Variants in MEGF8 observed in about 807,000 individuals in gnomAD.
The protein encoded by MEGF8 is multiple epidermal growth factor-like domains protein 8.
In MEGF8, 156 loss-of-function variants were observed where a neutral mutation model predicts 302.9. The ratio of observed to expected loss-of-function variants is 0.52; its 90% CI spans 0.45 to 0.59. MEGF8 has a LOEUF of 0.59. Among genes scored for constraint, MEGF8 ranks in the 20% least tolerant of loss-of-function variants. The pLI is 0.00. For missense variants in MEGF8, 3,345 were observed against 3,964.5 expected, an observed-to-expected ratio of 0.84 and a Z score of 4.20; for synonymous variants, 1,621 against 1,660.5, an observed-to-expected ratio of 0.98 and a Z score of 0.58.
Position 42,336,897 on chromosome 19 carries a change from A to G in MEGF8, c.1335A>G (p.Pro445=). The G allele has an allele frequency of 2.5e-6, 4 of 1,613,614 alleles. No individual in the cohort carries two copies. The highest frequency in any genetic ancestry group is 3.4e-6 in the Non-Finnish European group (4 of 1,179,758). ...AGGGGCGGGATGGGCTTCAGGGCCCAAGGGAGCGAGCCTTCCACACAGCCA... is the reference window on the plus strand; with the variant it reads ...AGGGGCGGGATGGGCTTCAGGGCCCGAGGGAGCGAGCCTTCCACACAGCCA... The part of the protein sequence containing the change: ...TLKGRDGLQG[P]RERAFHTASV... Residue 445 remains proline, a synonymous_variant, in exon 7 of 42, where the codon CCA becomes CCG. Transcript: ENST00000251268. This position sits in a 1 kb window ranked among gnomAD's most constrained non-coding sequence, Gnocchi z 4.8.
chr19:42,344,664 TCTC>T lies in MEGF8; in HGVS notation c.1934-5_1934-3del, dbSNP rs1568561458. 1 of 1,569,200 alleles carries T rather than the reference TCTC, an allele frequency of 6.4e-7. No individual in the cohort carries two copies. Among genetic ancestry groups the T allele is most frequent in the Non-Finnish European group, 8.7e-7 (1 of 1,154,358 alleles). Reference sequence around the variant, plus strand: ...ACCCACCGGCCCCCACCCCCTGTCTTCTCAGAGCAGGCCCGCTGCCGAGGGGAG... The same window carrying T: ...ACCCACCGGCCCCCACCCCCTGTCTTAGAGCAGGCCCGCTGCCGAGGGGAG... On this transcript the variant is annotated splice_region_variant and splice_polypyrimidine_tract_variant and intron_variant, in intron 11 of 41. Transcript: ENST00000251268. The surrounding 1 kb of genome is among the most constrained non-coding windows in gnomAD (Gnocchi z 4.5).
chr19:42,368,755 G>T lies in MEGF8; in HGVS notation c.6482-88G>T, dbSNP rs915692416. ...GGGATACTGGGCCAGACCCAGAGGT[G>T]GGGCTCAGAGGAGGCAGGAGGGAGG... On this transcript the variant is annotated intron_variant, in intron 36 of 41. Transcript: ENST00000251268. The surrounding 1 kb of genome is among the most constrained non-coding windows in gnomAD (Gnocchi z 4.9). 4 of 1,557,730 alleles carry T rather than the reference G, an allele frequency of 2.6e-6. No individual in the cohort carries two copies. The highest frequency in any genetic ancestry group is 2.6e-6 in the Non-Finnish European group (3 of 1,152,346).
rs776281127 is a variant in MEGF8, at chr19:42,348,449, C to T, written c.2275C>T (p.Arg759Cys). Residue 759 changes from arginine to cysteine, a missense_variant, in exon 13 of 42, where the codon CGT becomes TGT. Transcript: ENST00000251268. ...CCTACACGTCCTGGCCCGGATGGCC[C>T]GTGGCCCTGACACGGAGAACATGGT... The part of the protein sequence containing the change: ...QRLHVLARMA[R>C]GPDTENMEEV... The T allele has an allele frequency of 3.8e-5, 58 of 1,525,110 alleles. No individual in the cohort carries two copies. The highest frequency in any genetic ancestry group is 6.0e-5 in the South Asian group (5 of 83,458). 94.5% of individuals were successfully genotyped at this position (1,525,110 alleles called of 1,614,324 possible).
Position 42,333,824 on chromosome 19 carries a change from G to A in MEGF8, c.351+56G>A. The A allele has an allele frequency of 2.5e-6, 4 of 1,595,462 alleles. No individual in the cohort carries two copies. In the South Asian group the frequency reaches 3.4e-5, roughly 14 times the overall value. Reference sequence around the variant, plus strand: ...CCGAGGGAAATGGAAGAAGAAAGGAGGGACAGAGAGTCAGTAAGAGGGCAT... The same window carrying A: ...CCGAGGGAAATGGAAGAAGAAAGGAAGGACAGAGAGTCAGTAAGAGGGCAT... On this transcript the variant is annotated intron_variant, in intron 2 of 41. Transcript: ENST00000251268.
In MEGF8 at chr19:42,369,491, A is replaced by G. The variant is rs1311581376; in HGVS notation, c.6642-40A>G. 1.3e-6 allele frequency: 2 copies of G among 1,578,088 alleles called. No individual in the cohort carries two copies. The highest frequency in any genetic ancestry group is 1.7e-6 in the Non-Finnish European group (2 of 1,164,142). ...GGTGCTAGGCCATGAAGCCACGAGG[A>G]GGGTGGCCACCTGCCCTGACCCCCA... is the stretch of plus-strand genomic sequence containing the variant. On this transcript the variant is annotated intron_variant, in intron 37 of 41. Transcript: ENST00000251268. The surrounding 1 kb of genome is among the most constrained non-coding windows in gnomAD (Gnocchi z 5.7).
Position 42,352,594 on chromosome 19 carries a change from C to T in MEGF8, c.3350+138C>T, listed in dbSNP as rs567362932. ...GTTAGCCAGGGGTTTTTACCTTGCA[C>T]ACTAGGTCCTTATTAGAGTGACAGG... On this transcript the variant is annotated intron_variant, in intron 19 of 41. Coordinates refer to ENST00000251268, the MANE Select transcript of MEGF8 (RefSeq NM_001271938.2). This position sits in a 1 kb window ranked among gnomAD's most constrained non-coding sequence, Gnocchi z 4.4. 2 of 1,129,704 alleles carry T rather than the reference C, an allele frequency of 1.8e-6. No individual in the cohort carries two copies. The highest frequency in any genetic ancestry group is 1.6e-5 in the African/African-American group (1 of 63,572). 70.0% of individuals were successfully genotyped at this position (1,129,704 alleles called of 1,614,324 possible).
intron 8 of MEGF8, among the ~76,000 whole-genome samples, chr19:42,338,965 G>T (rs1286604242): frequency 0.1 from 2 of 20 alleles, no homozygotes; most frequent in Non-Finnish European, 0.33. Flanking sequence ...CTCCCGAGTA[G>T]ATGGATTACA....
chr19:42,347,076 G>A (rs150185836), intron 12 of MEGF8, among the ~76,000 whole-genome samples: 2 of 150,994 alleles, frequency 1.3e-5, no homozygotes, highest in Non-Finnish European at 2.9e-5. Flanking sequence ...TACCCCTTAA[G>A]TGGTCCAAAA....
In MEGF8 at chr19:42,357,689, C is replaced by T; in HGVS notation, c.5011+105C>T. 9.8e-7 allele frequency: 1 copy of T among 1,025,594 alleles called. No individual in the cohort carries two copies. The highest frequency in any genetic ancestry group is 2.6e-5 in the East Asian group (1 of 38,208). The allele number at this position is 1,025,594 out of a possible 1,614,324, so 63.5% of individuals were successfully genotyped here. ...CTGTGCTCTGTGGCCACCTGTCTCC[C>T]TCTCTTTCCCATCCCCATGCAGATT... On this transcript the variant is annotated intron_variant, in intron 28 of 41. Coordinates refer to ENST00000251268, the MANE Select transcript of MEGF8 (RefSeq NM_001271938.2). This position sits in a 1 kb window ranked among gnomAD's most constrained non-coding sequence, Gnocchi z 5.2.
At chr19:42,333,122 G>T (rs916987680) in intron 1 of MEGF8, among the ~76,000 whole-genome samples, 2 of 152,192 alleles carry the variant, frequency 1.3e-5, no homozygotes, top group Non-Finnish European at 2.9e-5. Context: ...GAAGAAGCTG[G>T]ACTCTTCTCT....
intron 31 of MEGF8, among the ~76,000 whole-genome samples, chr19:42,360,248 TC>T (rs1325609823): frequency 1.3e-5 from 2 of 151,774 alleles, no homozygotes; most frequent in African/African-American, 4.8e-5. Flanking sequence ...TCTTCTTATT[TC>T]CCTCTTTGTG....
rs2039689259 is a variant in MEGF8 at position 42,371,422 on chromosome 19, A to G, written c.7209A>G (p.Thr2403=). Residue 2403 remains threonine (T), a synonymous_variant, in exon 41 of 42, where the codon ACA becomes ACG. Coordinates refer to ENST00000251268, the MANE Select transcript of MEGF8 (RefSeq NM_001271938.2). ...CGGGCTGTCCATGTCAGAATAACAC[A>G]GAGACGGGCACATGCCAGGGCAGCT... ...DGTGCPCQNN[T]ETGTCQGSSP... The G allele has an allele frequency of 1.2e-6, 2 of 1,613,850 alleles. No homozygotes were observed. The highest frequency in any genetic ancestry group is 1.3e-5 in the African/African-American group (1 of 74,936).
Position 42,350,229 on chromosome 19 carries a change from C to G in MEGF8, c.2581C>G (p.Gln861Glu). The G allele has an allele frequency of 1.2e-6, 2 of 1,613,290 alleles. No homozygotes were observed. The highest frequency in any genetic ancestry group is 1.7e-6 in the Non-Finnish European group (2 of 1,179,880). ...YSSCLGCLADQGCGWCLTSAT... is the reference protein window; with the variant it reads ...YSSCLGCLADEGCGWCLTSAT... The stretch of plus-strand genomic sequence containing the variant: ...TTCCTGCCTGGGCTGCTTGGCAGAC[C>G]AGGGCTGTGGCTGGTGCCTGACCAG... The change falls in exon 15 of 42, where the codon CAG (glutamine) becomes GAG (glutamate). Residue 861 changes from glutamine to glutamate, a missense_variant. Physicochemically the swap from Gln to Glu is conservative, Grantham distance 29. Coordinates refer to ENST00000251268, the MANE Select transcript of MEGF8 (RefSeq NM_001271938.2).
At chr19:42,328,169 C>T (rs1026759378) in intron 1 of MEGF8, among the ~76,000 whole-genome samples, 3 of 152,112 alleles carry the variant, frequency 2.0e-5, no homozygotes, top group South Asian at 2.1e-4. Context: ...GTGTAGGGCT[C>T]TGTGATTTTG....
chr19:42,342,703 G>C (rs2039231874), intron 8 of MEGF8, among the ~76,000 whole-genome samples: 1 of 152,114 alleles, frequency 6.6e-6, no homozygotes, highest in Admixed American at 6.6e-5. Flanking sequence ...TTCAGGCTGG[G>C]CTGGATCTAG....
intron 12 of MEGF8, among the ~76,000 whole-genome samples, chr19:42,348,051 T>A (rs954956510): frequency 6.6e-6 from 1 of 151,866 alleles, no homozygotes; most frequent in African/African-American, 2.4e-5. Context: ...AGGCCAGGGG[T>A]AAAGGTGGGC....
chr19:42,349,442 T>C, intron 13 of MEGF8, 57 bp from the exon 14 acceptor site: 1 of 1,506,074 alleles, frequency 6.6e-7, no homozygotes, highest in Non-Finnish European at 9.0e-7. Context: ...ATCAGGGGTC[T>C]GAGGAAGGAA....
chr19:42,376,685 T>C lies in MEGF8; in HGVS notation c.8448T>C (p.Gly2816=). Reference sequence around the variant, plus strand: ...ACAGGCTGCACGAGTACTGTGGGGGTGGTGGGGGTGCTGGGGGCAGTGGGC... The same window carrying C: ...ACAGGCTGCACGAGTACTGTGGGGGCGGTGGGGGTGCTGGGGGCAGTGGGC... ...LRHRLHEYCG[G]GGGAGGSGHG... The change falls in exon 42 of 42, where the codon GGT becomes GGC. Residue 2816 remains glycine (G), a synonymous_variant. Coordinates refer to ENST00000251268, the MANE Select transcript of MEGF8 (RefSeq NM_001271938.2). This position sits in a 1 kb window ranked among gnomAD's most constrained non-coding sequence, Gnocchi z 8.2. The C allele has an allele frequency of 6.6e-7, 1 of 1,511,904 alleles. No homozygotes were observed. The highest frequency in any genetic ancestry group is 8.9e-7 in the Non-Finnish European group (1 of 1,129,124). The allele number at this position is 1,511,904 out of a possible 1,614,324, so 93.7% of individuals were successfully genotyped here.
chr19:42,337,040 C>T (rs564837336), intron 7 of MEGF8, 44 bp from the exon 8 acceptor site: 3 of 1,612,876 alleles, frequency 1.9e-6, no homozygotes, highest in African/African-American at 2.7e-5. Flanking sequence ...AGTCCCCCCA[C>T]CTCCCCTAGG....
Sources: allele counts gnomAD v4.1 joint callset (sites outside exome capture counted in the v4.1 genomes callset), GRCh38; gene constraint gnomAD v4.1.1; non-coding constraint Gnocchi (gnomAD v3.1); transcripts MANE v1.5; gene names NCBI Gene and HGNC (gene_info 2026-07-23, HGNC 2026-07-21).